STXBP4: variants seen among roughly 807,000 people sequenced by gnomAD.
STXBP4 encodes syntaxin binding protein 4, also known as syntaxin-binding protein 4.
STXBP4 carries 55 observed loss-of-function variants against 76.1 expected under a neutral mutation model. The ratio of observed to expected loss-of-function variants is 0.72; its 90% CI spans 0.58 to 0.91. STXBP4 has a LOEUF of 0.91. Ranked by LOEUF, STXBP4 falls within the 40% of genes least tolerant of loss-of-function variation. The pLI is 0.00. For synonymous variants in STXBP4, 201 were observed against 220.2 expected (o/e 0.91, Z 0.77); for missense variants, 618 against 636.9 (o/e 0.97, Z 0.32).
At chr17:55,115,477 A>G (rs2079770180) in intron 16 of STXBP4, among the ~76,000 whole-genome samples, 1 of 151,888 alleles carries the variant, frequency 6.6e-6, no homozygotes, top group African/African-American at 2.4e-5. Context: ...CATTTGTGTA[A>G]CAACTTGCCT....
chr17:55,018,675 T>G (rs1289448090), intron 8 of STXBP4, among the ~76,000 whole-genome samples: 9 of 152,054 alleles, frequency 5.9e-5, no homozygotes, highest in Non-Finnish European at 1.2e-4. Context: ...TTACAGGTTT[T>G]GGGATAGGCG....
chr17:55,106,826 T>G (rs2079641131), intron 16 of STXBP4, among the ~76,000 whole-genome samples: 1 of 152,046 alleles, frequency 6.6e-6, no homozygotes, highest in Non-Finnish European at 1.5e-5. Context: ...TGGGCTTCGC[T>G]TTGTGGGTTA....
chr17:55,146,868 A>G (rs2080162385), intron 17 of STXBP4, among the ~76,000 whole-genome samples: 1 of 152,196 alleles, frequency 6.6e-6, no homozygotes, highest in African/African-American at 2.4e-5. Flanking sequence ...GTCTTCCTTG[A>G]AGTAAGGGAC....
intron 1 of STXBP4, among the ~76,000 whole-genome samples, chr17:54,978,468 A>G (rs2077501960): frequency 6.6e-6 from 1 of 152,210 alleles, no homozygotes; most frequent in African/African-American, 2.4e-5. Flanking sequence ...GAGTTGTCAT[A>G]AGAAGTTATT....
chr17:55,192,225 T>C, the STXBP4 span, among the ~76,000 whole-genome samples: 1 of 152,168 alleles, frequency 6.6e-6, no homozygotes, highest in Non-Finnish European at 1.5e-5. Flanking sequence ...AACTATAGGT[T>C]GGAGGATAGA....
rs1390843208 is a variant in STXBP4, at chr17:55,105,231, A to T, written c.1489+24048A>T. Among the ~76,000 whole-genome samples, 6 of 151,980 alleles carry T rather than the reference A, an allele frequency of 3.9e-5. No homozygotes were observed. In the East Asian group the frequency reaches 1.2e-3, roughly 29 times the overall value. On this transcript the variant is annotated intron_variant, in intron 16 of 17. Coordinates refer to ENST00000376352, the MANE Select transcript of STXBP4 (RefSeq NM_178509.6). The stretch of plus-strand genomic sequence containing the variant: ...TGTGATGTTAGAGTGTCAATTTTAG[A>T]TCTTTCCTGCTTTCTCCTGTGGGCA...
rs1274356839 is a variant in STXBP4 at position 55,171,578 on chromosome 17, C to G, written c.*11667C>G. On this transcript the variant is annotated 3_prime_UTR_variant, in exon 18 of 18. Transcript: ENST00000376352. Reference sequence around the variant, plus strand: ...CAGATTCCAGTCCGTTTTGACCATACCCCATCATGGTATTTTAGAGTACAC... The same window carrying G: ...CAGATTCCAGTCCGTTTTGACCATAGCCCATCATGGTATTTTAGAGTACAC... 1 of 152,188 alleles carries G rather than the reference C, an allele frequency of 6.6e-6. No homozygotes were observed. The highest frequency in any genetic ancestry group is 1.5e-5 in the Non-Finnish European group (1 of 68,032). The allele number at this position is 152,188 out of a possible 1,614,324, so 9.4% of individuals were successfully genotyped here. A position where few individuals can be genotyped will look rare whatever the true frequency, so the allele number is the denominator to read the frequency against.
chr17:55,046,826 T>G (rs1477414855), intron 11 of STXBP4, among the ~76,000 whole-genome samples: 1 of 151,994 alleles, frequency 6.6e-6, no homozygotes, highest in Non-Finnish European at 1.5e-5. Flanking sequence ...CACATTTGTA[T>G]TCTTAACTGG....
At chr17:55,133,950 G>A (rs2079999523) in intron 16 of STXBP4, among the ~76,000 whole-genome samples, 1 of 152,172 alleles carries the variant, frequency 6.6e-6, no homozygotes, top group Admixed American at 6.5e-5. Context: ...CAGAGAAATG[G>A]AGTAGTAGCT....
rs2080373967 is a variant in STXBP4 at position 55,165,587 on chromosome 17, C to T, written c.*5676C>T. Reference sequence around the variant, plus strand: ...CATGTTCTCTCAATGGAAATCAATTCGGACAATAACATTAGACCATCTTAA... The same window carrying T: ...CATGTTCTCTCAATGGAAATCAATTTGGACAATAACATTAGACCATCTTAA... On this transcript the variant is annotated 3_prime_UTR_variant, in exon 18 of 18. Transcript: ENST00000376352. 1 of 152,214 alleles carries T rather than the reference C, an allele frequency of 6.6e-6. No individual in the cohort carries two copies. Among genetic ancestry groups the T allele is most frequent in the African/African-American group, 2.4e-5 (1 of 41,440 alleles). The allele number at this position is 152,214 out of a possible 1,614,324, so 9.4% of individuals were successfully genotyped here. A position where few individuals can be genotyped will look rare whatever the true frequency, so the allele number is the denominator to read the frequency against.
intron 16 of STXBP4, among the ~76,000 whole-genome samples, chr17:55,083,195 T>TG (rs1410183291): frequency 6.6e-6 from 1 of 151,948 alleles, no homozygotes; most frequent in East Asian, 1.9e-4. Context: ...GGCCTGGTCT[T>TG]GAACTCCTGG....
chr17:55,063,810 T>C (rs909132134), intron 12 of STXBP4, among the ~76,000 whole-genome samples: 4 of 152,150 alleles, frequency 2.6e-5, no homozygotes, highest in Non-Finnish European at 4.4e-5. Flanking sequence ...TAAAAACAAA[T>C]ACACATCACT....
the STXBP4 span, among the ~76,000 whole-genome samples, chr17:55,185,731 G>T: frequency 6.6e-6 from 1 of 152,198 alleles, no homozygotes; most frequent in Non-Finnish European, 1.5e-5. Context: ...CACTTACTGT[G>T]TGTGCCAGGA....
intron 11 of STXBP4, among the ~76,000 whole-genome samples, chr17:55,045,042 A>G (rs1253490876): frequency 1.3e-5 from 2 of 152,094 alleles, no homozygotes; most frequent in Non-Finnish European, 2.9e-5. Flanking sequence ...AGCTTTGTAG[A>G]TGTATCTTTG....
chr17:54,997,318 G>T (rs983005322), intron 4 of STXBP4, among the ~76,000 whole-genome samples: 2 of 151,842 alleles, frequency 1.3e-5, no homozygotes, highest in Non-Finnish European at 2.9e-5. Flanking sequence ...AGAAGTCATA[G>T]TCAGAAGGCA....
At chr17:55,112,919 A>T (rs1279207020) in intron 16 of STXBP4, among the ~76,000 whole-genome samples, 1 of 152,158 alleles carries the variant, frequency 6.6e-6, no homozygotes, top group Admixed American at 6.6e-5. Context: ...GCTGATAACA[A>T]GGGGACAACA....
At chr17:55,197,624 T>A in the STXBP4 span, among the ~76,000 whole-genome samples, 7 of 152,006 alleles carry the variant, frequency 4.6e-5, no homozygotes, top group Non-Finnish European at 1.5e-5. Flanking sequence ...GCACCTGTAG[T>A]CCCAGCTACT....
Position 55,166,080 on chromosome 17 carries a change from A to C in STXBP4, c.*6169A>C, listed in dbSNP as rs1376963545. ...AAGTTGCCTGAGATTAATGTTGCTC[A>C]GGATCCATTTATTCCCTATTCCTGG... On this transcript the variant is annotated 3_prime_UTR_variant, in exon 18 of 18. Coordinates refer to ENST00000376352, the MANE Select transcript of STXBP4 (RefSeq NM_178509.6). 3 of 152,224 alleles carry C rather than the reference A, an allele frequency of 2.0e-5. No homozygotes were observed. Among genetic ancestry groups the C allele is most frequent in the Non-Finnish European group, 4.4e-5 (3 of 68,044 alleles). 9.4% of individuals were successfully genotyped at this position (152,224 alleles called of 1,614,324 possible).
intron 12 of STXBP4, among the ~76,000 whole-genome samples, chr17:55,070,126 G>A (rs2079103549): frequency 6.6e-6 from 1 of 152,142 alleles, no homozygotes; most frequent in African/African-American, 2.4e-5. Context: ...CCAAGAACAT[G>A]AACTTTATAA....
Sources: allele counts gnomAD v4.1 joint callset (sites outside exome capture counted in the v4.1 genomes callset), GRCh38; gene constraint gnomAD v4.1.1; transcripts MANE v1.5; gene names NCBI Gene and HGNC (gene_info 2026-07-23, HGNC 2026-07-21).